Variants in C6 observed in about 807,000 individuals in gnomAD.
The protein encoded by C6 is complement C6, also known as complement component C6.
In C6, 101 loss-of-function variants were observed where a neutral mutation model predicts 112.9. The observed-to-expected ratio is 0.89, with a 90% confidence interval of 0.76 to 1.06. C6 has a LOEUF of 1.06. Among genes scored for constraint, C6 ranks in the 50% least tolerant of loss-of-function variants. The pLI is 0.00. For synonymous variants in C6, 431 were observed against 384.1 expected (o/e 1.12, Z -1.43); for missense variants, 1,202 against 1,104.6 (o/e 1.09, Z -1.25).
intron 5 of C6, among the ~76,000 whole-genome samples, chr5:41,194,347 G>A (rs550937650): frequency 4.6e-5 from 7 of 152,174 alleles, no homozygotes; most frequent in African/African-American, 7.2e-5. Flanking sequence ...TAAATAACTC[G>A]GCTGTGGTGT....
At chr5:41,179,842 A>G (rs1749179157) in intron 7 of C6, among the ~76,000 whole-genome samples, 1 of 151,968 alleles carries the variant, frequency 6.6e-6, no homozygotes, top group South Asian at 2.1e-4. Flanking sequence ...AAATATCTTG[A>G]AGTGTAATAC....
chr5:41,150,269 G>C (rs1055239026), intron 15 of C6, among the ~76,000 whole-genome samples: 1 of 152,122 alleles, frequency 6.6e-6, no homozygotes, highest in Non-Finnish European at 1.5e-5. Context: ...AAAGAAAATG[G>C]AACTGTTGAA....
intron 1 of C6, among the ~76,000 whole-genome samples, chr5:41,260,121 T>G (rs760726770): frequency 6.6e-6 from 1 of 152,154 alleles, no homozygotes; most frequent in Non-Finnish European, 1.5e-5. Flanking sequence ...ATAGTTTAAT[T>G]TTTTTCCTCA....
intron 6 of C6, among the ~76,000 whole-genome samples, chr5:41,183,852 A>G (rs570795777): frequency 5.3e-5 from 8 of 152,318 alleles, no homozygotes; most frequent in Non-Finnish European, 8.8e-5. Flanking sequence ...GCTGGAGACC[A>G]TTATCCTAAG....
Position 41,186,090 on chromosome 5 carries a change from G to C in C6, c.706C>G (p.Leu236Val), listed in dbSNP as rs755404217. 6.2e-7 allele frequency: 1 copy of C among 1,613,966 alleles called. No individual in the cohort carries two copies. The highest frequency in any genetic ancestry group is 8.5e-7 in the Non-Finnish European group (1 of 1,179,932). ...TSNPYRVPAN[L>V]ENVGFEVQTA... ...CATACCTCAAAGCCGACATTTTCCA[G>C]ATTGGCCGGAACACGGTATGGATTA... is the stretch of plus-strand genomic sequence containing the variant. Residue 236 changes from leucine to valine, a missense_variant, in exon 6 of 18, where the codon CTG (leucine) becomes GTG (valine). Coordinates refer to ENST00000337836, the MANE Select transcript of C6 (RefSeq NM_000065.5).
chr5:41,210,575 G>C, intron 1 of C6, among the ~76,000 whole-genome samples: 1 of 151,636 alleles, frequency 6.6e-6, no homozygotes, highest in East Asian at 1.9e-4. Context: ...ACAGACCCTT[G>C]ACATTTGAGA....
At chr5:41,222,338 T>C (rs1261918673) in intron 1 of C6, among the ~76,000 whole-genome samples, 1 of 152,042 alleles carries the variant, frequency 6.6e-6, no homozygotes, top group Non-Finnish European at 1.5e-5. Context: ...ACAAAGTTGT[T>C]ATATGCTAAT....
intron 9 of C6, among the ~76,000 whole-genome samples, chr5:41,163,303 C>A (rs1367357193): frequency 6.8e-6 from 1 of 147,418 alleles, no homozygotes; most frequent in African/African-American, 2.5e-5. Context: ...ATGTATTTAT[C>A]AATGAACTTT....
chr5:41,259,675 C>A (rs1741924364), intron 1 of C6, among the ~76,000 whole-genome samples: 3 of 152,088 alleles, frequency 2.0e-5, no homozygotes, highest in Admixed American at 2.0e-4. Flanking sequence ...TATAAGTGGG[C>A]CTTAACTCTA....
At chr5:41,207,646 G>A (rs978247502) in intron 1 of C6, among the ~76,000 whole-genome samples, 5 of 152,160 alleles carry the variant, frequency 3.3e-5, no homozygotes, top group Admixed American at 2.0e-4. Context: ...ATTACATAAT[G>A]GTAAAGGGAT....
chr5:41,177,852 A>G (rs1748984154), intron 7 of C6, among the ~76,000 whole-genome samples: 1 of 152,176 alleles, frequency 6.6e-6, no homozygotes, highest in African/African-American at 2.4e-5. Context: ...TGGAACTTCC[A>G]TTTTAGTAAG....
At chr5:41,235,106 A>G (rs1177277155) in intron 1 of C6, among the ~76,000 whole-genome samples, 1 of 125,032 alleles carries the variant, frequency 8.0e-6, no homozygotes, top group Non-Finnish European at 1.7e-5. Flanking sequence ...TTTAAGTTTT[A>G]GGGTACATGT....
chr5:41,170,270 T>C (rs1294032410), intron 9 of C6, among the ~76,000 whole-genome samples: 1 of 152,014 alleles, frequency 6.6e-6, no homozygotes, highest in Non-Finnish European at 1.5e-5. Flanking sequence ...ACTTGATATC[T>C]TTCTTGTATG....
chr5:41,157,683 G>T (rs1369300812), intron 13 of C6, among the ~76,000 whole-genome samples: 1 of 152,150 alleles, frequency 6.6e-6, no homozygotes, highest in Non-Finnish European at 1.5e-5. Context: ...TATTACCTAG[G>T]AATGTATTAG....
chr5:41,186,195 C>CCAGA lies in C6; in HGVS notation c.597_600dup (p.Ala201SerfsTer11). 6.2e-7 allele frequency: 1 copy of CCAGA among 1,613,766 alleles called. No homozygotes were observed. Among genetic ancestry groups the CCAGA allele is most frequent in the African/African-American group, 1.3e-5 (1 of 75,002 alleles). On this transcript the variant is annotated frameshift_variant, in exon 6 of 18. Coordinates refer to ENST00000337836, the MANE Select transcript of C6 (RefSeq NM_000065.5). LOFTEE classifies it high-confidence loss of function. Reference sequence around the variant, plus strand: ...AGGACTTCTCCTCTGGGCTCTCCTGCCAGAAAATGAAACCTAGAAACAAAG... The same window carrying CCAGA: ...AGGACTTCTCCTCTGGGCTCTCCTGCCAGACAGAAAATGAAACCTAGAAACAAAG...
In C6 at chr5:41,205,589, G is replaced by A. The variant is rs189196127; in HGVS notation, c.-20-2339C>T. Reference sequence around the variant, plus strand: ...GGAGATTATATCCCGCACCTGGCTCGGAGAGTCCCACACCCGCAGAGCCTC... The same window carrying A: ...GGAGATTATATCCCGCACCTGGCTCAGAGAGTCCCACACCCGCAGAGCCTC... On this transcript the variant is annotated intron_variant, in intron 1 of 17. Coordinates refer to ENST00000337836, the MANE Select transcript of C6 (RefSeq NM_000065.5). 5.3e-3 allele frequency among the ~76,000 whole-genome samples: 802 copies of A among 152,228 alleles called. 2 individuals carry two copies. The highest frequency in any genetic ancestry group is 0.018 in the African/African-American group (749 of 41,516).
intron 1 of C6, among the ~76,000 whole-genome samples, chr5:41,258,318 C>T (rs1165091661): frequency 6.6e-6 from 1 of 152,148 alleles, no homozygotes; most frequent in Non-Finnish European, 1.5e-5. Context: ...AAGAAGGATT[C>T]TGACACTTAT....
intron 14 of C6, among the ~76,000 whole-genome samples, chr5:41,154,420 G>T (rs1746705916): frequency 6.6e-6 from 1 of 152,134 alleles, no homozygotes; most frequent in African/African-American, 2.4e-5. Flanking sequence ...ATAAGTCTTT[G>T]GACTCTCATT....
At chr5:41,215,352 G>A (rs1241013901), upstream of C6, among the ~76,000 whole-genome samples, 2 of 152,166 alleles carry the variant, frequency 1.3e-5, no homozygotes, top group Non-Finnish European at 2.9e-5. Context: ...GTGGCTTTGG[G>A]AAGTAGAAGT....
Sources: allele counts gnomAD v4.1 joint callset (sites outside exome capture counted in the v4.1 genomes callset), GRCh38; gene constraint gnomAD v4.1.1; transcripts MANE v1.5; gene names NCBI Gene and HGNC (gene_info 2026-07-23, HGNC 2026-07-21).